Variants in TBC1D9 observed in about 807,000 individuals in gnomAD.
TBC1D9 encodes TBC1 domain family member 9A.
Under a neutral mutation model 132.0 loss-of-function variants are expected in TBC1D9, and 63 were observed. The ratio of observed to expected loss-of-function variants is 0.48; its 90% CI spans 0.39 to 0.59. The LOEUF (loss-of-function observed/expected upper bound fraction) is 0.59. Among genes scored for constraint, TBC1D9 ranks in the 20% least tolerant of loss-of-function variants. The pLI, the probability that TBC1D9 is intolerant of heterozygous loss-of-function variation, is 0.00. For synonymous variants in TBC1D9, 610 were observed against 609.9 expected, an observed-to-expected ratio of 1.00 and a Z score of 0.00; for missense variants, 1,261 against 1,592.7, an observed-to-expected ratio of 0.79 and a Z score of 3.54.
chr4:140,704,168 C>T (rs534133567), intron 1 of TBC1D9, among the ~76,000 whole-genome samples: 2 of 152,060 alleles, frequency 1.3e-5, no homozygotes, highest in East Asian at 1.9e-4. Context: ...GAGGCTGGGG[C>T]GGGTGGATCA....
At chr4:140,646,566 G>C (rs1737106035) in intron 13 of TBC1D9, among the ~76,000 whole-genome samples, 1 of 152,154 alleles carries the variant, frequency 6.6e-6, no homozygotes, top group Non-Finnish European at 1.5e-5. Context: ...AGTCTGTGTA[G>C]TGGACTCTAA....
rs1381198814 is a variant in TBC1D9 at position 140,706,870 on chromosome 4, T to C, written c.131-5256A>G. Among the ~76,000 whole-genome samples, 1 of 152,222 alleles carries C rather than the reference T, an allele frequency of 6.6e-6. No individual in the cohort carries two copies. Among genetic ancestry groups the C allele is most frequent in the Non-Finnish European group, 1.5e-5 (1 of 68,032 alleles). On this transcript the variant is annotated intron_variant, in intron 1 of 20. Coordinates refer to ENST00000442267, the MANE Select transcript of TBC1D9 (RefSeq NM_015130.3). The surrounding 1 kb of genome is among the most constrained non-coding windows in gnomAD (Gnocchi z 4.0). The stretch of plus-strand genomic sequence containing the variant: ...TGTGCAATATTCCACTATATAAGTA[T>C]ATTACAACTTATCTGTTTTCCTAGT...
chr4:140,712,143 G>A (rs1186653872), intron 1 of TBC1D9: 1 of 152,068 alleles, frequency 6.6e-6, no homozygotes, highest in Non-Finnish European at 1.5e-5. Context: ...CAACATGCTA[G>A]CTAAGAGTCC....
chr4:140,671,368 T>C (rs769972349), intron 6 of TBC1D9, among the ~76,000 whole-genome samples: 1 of 152,056 alleles, frequency 6.6e-6, no homozygotes, highest in Non-Finnish European at 1.5e-5. Context: ...AGCTCCAAGG[T>C]TGAGAAACCT....
At chr4:140,724,111 T>C (rs1738463315) in intron 1 of TBC1D9, among the ~76,000 whole-genome samples, 1 of 152,156 alleles carries the variant, frequency 6.6e-6, no homozygotes, top group Non-Finnish European at 1.5e-5. Context: ...TTTGAGATAC[T>C]AAATGTCATA....
At chr4:140,710,134 T>G (rs1321500369) in intron 1 of TBC1D9, among the ~76,000 whole-genome samples, 1 of 152,202 alleles carries the variant, frequency 6.6e-6, no homozygotes, top group Admixed American at 6.5e-5. Flanking sequence ...AAAAAATGAC[T>G]GTTTTCACAA....
chr4:140,645,363 G>A lies in TBC1D9; in HGVS notation c.2338-5935C>T, dbSNP rs1737087473. On this transcript the variant is annotated intron_variant, in intron 13 of 20. Transcript: ENST00000442267. ...CCACTATCCTTCTGCAATGCCCACA[G>A]GCGGGTGTCGCACTTCTGCTTCACC... 21 of 478,460 alleles carry A rather than the reference G, an allele frequency of 4.4e-5. 1 individual carries two copies. The highest frequency in any genetic ancestry group is 3.0e-4 in the South Asian group (20 of 66,380). 29.6% of individuals were successfully genotyped at this position (478,460 alleles called of 1,614,324 possible). A position where few individuals can be genotyped will look rare whatever the true frequency, so the allele number is the denominator to read the frequency against.
chr4:140,627,090 A>G (rs1736720576), intron 18 of TBC1D9, among the ~76,000 whole-genome samples: 1 of 152,236 alleles, frequency 6.6e-6, no homozygotes, highest in Non-Finnish European at 1.5e-5. Context: ...AAACACAGAT[A>G]TAAGAGAATG....
chr4:140,675,363 GT>G (rs1737607249), intron 6 of TBC1D9, among the ~76,000 whole-genome samples: 1 of 152,202 alleles, frequency 6.6e-6, no homozygotes, highest in South Asian at 2.1e-4. Context: ...CTAAAGGGAT[GT>G]TAGCAAGGGG....
At chr4:140,646,685 C>G (rs1737108036) in intron 13 of TBC1D9, among the ~76,000 whole-genome samples, 1 of 151,994 alleles carries the variant, frequency 6.6e-6, no homozygotes, top group Non-Finnish European at 1.5e-5. Context: ...AAGGAATGAC[C>G]CAGGCATTCC....
chr4:140,640,858 T>G (rs1160667480), intron 13 of TBC1D9, among the ~76,000 whole-genome samples: 1 of 151,868 alleles, frequency 6.6e-6, no homozygotes, highest in Non-Finnish European at 1.5e-5. Context: ...CTACTAAGTA[T>G]ATAACCCCCC....
At chr4:140,628,413 A>G in intron 16 of TBC1D9, 48 bp from the exon 17 acceptor site, 1 of 1,507,386 alleles carries the variant, frequency 6.6e-7, no homozygotes, top group Non-Finnish European at 9.2e-7. Flanking sequence ...ATGTGCTAAT[A>G]AACTCCAGGC....
rs1736742222 is a variant in TBC1D9 at position 140,628,486 on chromosome 4, G to C, written c.2747-121C>G. 7 of 894,902 alleles carry C rather than the reference G, an allele frequency of 7.8e-6. 1 individual carries two copies. The South Asian group carries it at 8.9e-5, about 11-fold the overall frequency. The allele number at this position is 894,902 out of a possible 1,614,324, so 55.4% of individuals were successfully genotyped here. A position where few individuals can be genotyped will look rare whatever the true frequency, so the allele number is the denominator to read the frequency against. ...CAACCAAGACATTGTGTGGTGAAAG[G>C]CCTGGCCAGGACCTGTTTGGGTTAA... is the stretch of plus-strand genomic sequence containing the variant. On this transcript the variant is annotated intron_variant, in intron 16 of 20. Coordinates refer to ENST00000442267, the MANE Select transcript of TBC1D9 (RefSeq NM_015130.3).
In TBC1D9 at chr4:140,686,907, ACCACCT is replaced by A. The variant is rs545746529; in HGVS notation, c.242-451_242-446del. ...GGTATGCCACTGGAGAACTGATGTAACCACCTCCTATAATGGGCAAAAAATTACTCT... is the reference window on the plus strand; with the variant it reads ...GGTATGCCACTGGAGAACTGATGTAACCTATAATGGGCAAAAAATTACTCT... On this transcript the variant is annotated intron_variant, in intron 2 of 20. Transcript: ENST00000442267. Among the ~76,000 whole-genome samples, 60 of 152,196 alleles carry A rather than the reference ACCACCT, an allele frequency of 3.9e-4. 1 individual carries two copies. The highest frequency in any genetic ancestry group is 1.4e-3 in the African/African-American group (57 of 41,544).
chr4:140,702,131 G>T (rs2111040247), intron 1 of TBC1D9, among the ~76,000 whole-genome samples: 1 of 152,302 alleles, frequency 6.6e-6, no homozygotes, highest in Non-Finnish European at 1.5e-5. Context: ...GATAACCAGG[G>T]CTAACCAGAG....
At chr4:140,667,201 C>T (rs1560879015) in intron 9 of TBC1D9, among the ~76,000 whole-genome samples, 2 of 152,152 alleles carry the variant, frequency 1.3e-5, no homozygotes, top group African/African-American at 2.4e-5. Context: ...TGTGGAAATA[C>T]GGGCTCAGTT....
intron 18 of TBC1D9, among the ~76,000 whole-genome samples, chr4:140,624,669 T>G (rs1325379725): frequency 6.6e-6 from 1 of 152,200 alleles, no homozygotes; most frequent in East Asian, 1.9e-4. Context: ...TTTTACTACA[T>G]GTCCCATAAT....
Position 140,639,081 on chromosome 4 carries a change from C to T in TBC1D9, c.2505+5G>A. ...GAATGGGCATGAATTTACCTTGCAA[C>T]TCACCTTGAAAAGAGCATAAAGTTC... On this transcript the variant is annotated splice_donor_5th_base_variant and intron_variant, in intron 15 of 20. Transcript: ENST00000442267. 6.3e-7 allele frequency: 1 copy of T among 1,583,438 alleles called. No individual in the cohort carries two copies. Among genetic ancestry groups the T allele is most frequent in the Non-Finnish European group, 8.6e-7 (1 of 1,163,164 alleles).
intron 1 of TBC1D9, chr4:140,712,339 G>A (rs1455769981): frequency 6.7e-6 from 1 of 148,616 alleles, no homozygotes; most frequent in Non-Finnish European, 1.5e-5. Flanking sequence ...GGCACTTGAT[G>A]TTTAATAACT....
Sources: gnomAD v4.1 joint callset for allele counts (sites outside exome capture counted in the v4.1 genomes callset) on GRCh38, gnomAD v4.1.1 for gene constraint, Gnocchi (gnomAD v3.1) non-coding constraint, MANE v1.5 for transcripts, NCBI Gene and HGNC (gene_info 2026-07-23, HGNC 2026-07-21) for gene names.